The following ARHGAP15 variants were observed in gnomAD, a reference collection of about 807,000 sequenced individuals.
The protein encoded by ARHGAP15 is Rho GTPase activating protein 15.
A neutral mutation model predicts 63.7 loss-of-function variants in ARHGAP15; 51 were observed. The observed-to-expected ratio is 0.80, with a 90% CI of 0.64 to 1.01. The LOEUF is 1.01. Ranked by LOEUF, ARHGAP15 falls within the 50% of genes least tolerant of loss-of-function variation. The pLI, the probability that ARHGAP15 is intolerant of heterozygous loss-of-function variation, is 0.00. For missense variants in ARHGAP15, 560 were observed against 564.6 expected (o/e 0.99, Z 0.08); for synonymous variants, 191 against 193.8 (o/e 0.99, Z 0.12).
intron 5 of ARHGAP15, among the ~76,000 whole-genome samples, chr2:143,240,666 C>G (rs1693828443): frequency 1.3e-5 from 2 of 152,210 alleles, no homozygotes; most frequent in Admixed American, 6.5e-5. Flanking sequence ...ATTGCACCAT[C>G]ATATGGCCTC....
intron 8 of ARHGAP15, among the ~76,000 whole-genome samples, chr2:143,447,508 T>C (rs944862433): frequency 2.0e-5 from 3 of 152,120 alleles, no homozygotes; most frequent in Admixed American, 6.6e-5. Context: ...ATCAAAAGGA[T>C]TGTGATATCT....
intron 9 of ARHGAP15, among the ~76,000 whole-genome samples, chr2:143,488,497 T>C (rs1266340003): frequency 6.6e-6 from 1 of 152,224 alleles, no homozygotes; most frequent in Non-Finnish European, 1.5e-5. Context: ...TCAAATTTTC[T>C]AGCTTATGTG....
intron 10 of ARHGAP15, among the ~76,000 whole-genome samples, chr2:143,547,283 A>AC (rs1454157298): frequency 6.6e-6 from 1 of 152,184 alleles, no homozygotes; most frequent in African/African-American, 2.4e-5. Flanking sequence ...TTTCATGTTA[A>AC]CCAGGTATTA....
chr2:143,482,271 A>AG lies in ARHGAP15; in HGVS notation c.704-5102_704-5101insG, dbSNP rs1320419705. On this transcript the variant is annotated intron_variant, in intron 8 of 13. Transcript: ENST00000295095. ...CTCAAAGTGGGAATGGAAAAAAAAA[A>AG]CTACTCGTTGGCTTAACATAAATCT... 3.3e-5 allele frequency among the ~76,000 whole-genome samples: 5 copies of AG among 152,242 alleles called. No homozygotes were observed. In the East Asian group the frequency reaches 9.7e-4, roughly 29 times the overall value.
chr2:143,499,250 T>C (rs914067684), intron 9 of ARHGAP15, among the ~76,000 whole-genome samples: 15 of 152,206 alleles, frequency 9.9e-5, no homozygotes, highest in African/African-American at 2.9e-4. Flanking sequence ...CAGCCTGATG[T>C]CGACTTATGG....
chr2:143,646,585 A>G (rs1680890734), intron 12 of ARHGAP15, among the ~76,000 whole-genome samples: 1 of 152,042 alleles, frequency 6.6e-6, no homozygotes. Flanking sequence ...AAGAAGCTTA[A>G]GTCTGGATGA....
At chr2:143,616,143 T>A (rs751995718) in intron 11 of ARHGAP15, among the ~76,000 whole-genome samples, 2 of 152,184 alleles carry the variant, frequency 1.3e-5, no homozygotes, top group Non-Finnish European at 2.9e-5. Flanking sequence ...AGCAGCATAA[T>A]GTCACTAACG....
At chr2:143,473,053 C>T (rs565517766) in intron 8 of ARHGAP15, among the ~76,000 whole-genome samples, 116 of 152,258 alleles carry the variant, frequency 7.6e-4, no homozygotes, top group Non-Finnish European at 1.5e-3. Flanking sequence ...CAAACTAGAA[C>T]GTGAAGACCC....
intron 6 of ARHGAP15, among the ~76,000 whole-genome samples, chr2:143,271,542 C>G (rs569508078): frequency 6.6e-6 from 1 of 152,358 alleles, no homozygotes; most frequent in Non-Finnish European, 1.5e-5. Context: ...GTGGCGCGAT[C>G]TCGTCTCACT....
chr2:143,308,576 A>G (rs899985874), intron 6 of ARHGAP15, among the ~76,000 whole-genome samples: 1 of 152,062 alleles, frequency 6.6e-6, no homozygotes, highest in Admixed American at 6.6e-5. Flanking sequence ...ATGAGTCTTT[A>G]TATTGCCAAT....
At chr2:143,720,872 A>G (rs1046225738) in intron 13 of ARHGAP15, among the ~76,000 whole-genome samples, 8 of 152,048 alleles carry the variant, frequency 5.3e-5, no homozygotes, top group East Asian at 1.9e-4. Flanking sequence ...GATCAAGACC[A>G]TCCTGGCTAA....
intron 9 of ARHGAP15, among the ~76,000 whole-genome samples, chr2:143,515,028 G>T (rs1693749214): frequency 6.6e-6 from 1 of 152,152 alleles, no homozygotes; most frequent in South Asian, 2.1e-4. Context: ...CAAAGGAGGT[G>T]AATGTATACA....
At chr2:143,294,435 T>G (rs1213342536) in intron 6 of ARHGAP15, among the ~76,000 whole-genome samples, 3 of 152,070 alleles carry the variant, frequency 2.0e-5, no homozygotes, top group African/African-American at 7.2e-5. Context: ...AATTTTATTT[T>G]GCACTCATGT....
chr2:143,240,004 A>AG (rs1448003566), intron 5 of ARHGAP15, among the ~76,000 whole-genome samples: 18 of 145,662 alleles, frequency 1.2e-4, no homozygotes, highest in African/African-American at 4.4e-4. Context: ...AAAAAAAAAA[A>AG]AAAAAAAAAA....
intron 13 of ARHGAP15, among the ~76,000 whole-genome samples, chr2:143,729,777 AAAT>A (rs1298055509): frequency 2.0e-5 from 3 of 152,266 alleles, no homozygotes; most frequent in Admixed American, 6.5e-5. Context: ...AAACCAAGTG[AAAT>A]AATGATTTAG....
chr2:143,634,954 G>T (rs1259108065), intron 12 of ARHGAP15, among the ~76,000 whole-genome samples: 1 of 151,912 alleles, frequency 6.6e-6, no homozygotes, highest in South Asian at 2.1e-4. Context: ...GATGTTCACG[G>T]TGGCACCAGA....
intron 7 of ARHGAP15, among the ~76,000 whole-genome samples, chr2:143,435,965 A>G (rs1689596366): frequency 6.6e-6 from 1 of 151,938 alleles, no homozygotes; most frequent in South Asian, 2.1e-4. Flanking sequence ...TGGAGGCTGT[A>G]AAAAGCACAC....
At chr2:143,358,846 CAAAAT>C (rs905593358) in intron 6 of ARHGAP15, among the ~76,000 whole-genome samples, 11 of 148,338 alleles carry the variant, frequency 7.4e-5, no homozygotes, top group Admixed American at 4.0e-4. Context: ...ATCAGAAAGA[CAAAAT>C]AAAAATATTG....
intron 1 of ARHGAP15, among the ~76,000 whole-genome samples, chr2:143,140,429 C>A (rs190638320): frequency 6.6e-6 from 1 of 152,082 alleles, no homozygotes; most frequent in East Asian, 1.9e-4. Context: ...GACTCTTATG[C>A]CTGAAATTAA....
Sources: allele counts gnomAD v4.1 joint callset (sites outside exome capture counted in the v4.1 genomes callset), GRCh38; gene constraint gnomAD v4.1.1; transcripts MANE v1.5; gene names NCBI Gene and HGNC (gene_info 2026-07-23, HGNC 2026-07-21).